SGIP1: variants seen among roughly 807,000 people sequenced by gnomAD.
The protein encoded by SGIP1 is SH3-containing GRB2-like protein 3-interacting protein 1.
SGIP1 carries 38 observed loss-of-function variants against 107.5 expected under a neutral mutation model. The ratio of observed to expected loss-of-function variants is 0.35; its 90% CI spans 0.27 to 0.46. The LOEUF (loss-of-function observed/expected upper bound fraction) is 0.46, where lower values mean the gene tolerates loss of function less well. Among genes scored for constraint, SGIP1 ranks in the 20% least tolerant of loss-of-function variants. SGIP1 has a pLI of 1.00. For missense variants in SGIP1, 929 were observed against 1,019.5 expected (o/e 0.91, Z 1.21); for synonymous variants, 365 against 366.1 (o/e 1.00, Z 0.03).
chr1:66,660,332 A>G (rs2081210812), intron 7 of SGIP1, among the ~76,000 whole-genome samples, 181 bp from the exon 8 acceptor site: 1 of 152,068 alleles, frequency 6.6e-6, no homozygotes, highest in South Asian at 2.1e-4. Context: ...TGTAGCTTGA[A>G]CTAAAGACAG....
intron 1 of SGIP1, among the ~76,000 whole-genome samples, chr1:66,598,258 C>G (rs548325038): frequency 3.9e-5 from 6 of 152,238 alleles, no homozygotes; most frequent in Non-Finnish European, 7.4e-5. Context: ...GCAATAAAAA[C>G]TAACACATCA....
At chr1:66,618,558 A>G (rs1481780179) in intron 1 of SGIP1, among the ~76,000 whole-genome samples, 1 of 152,226 alleles carries the variant, frequency 6.6e-6, no homozygotes. Flanking sequence ...CTAGCTCAAC[A>G]TCTTGGTCTT....
chr1:66,626,930 C>A (rs574126476), intron 2 of SGIP1, among the ~76,000 whole-genome samples: 44 of 152,186 alleles, frequency 2.9e-4, no homozygotes, highest in African/African-American at 1.1e-3. Flanking sequence ...GCTTTTCATT[C>A]TGTATATTTT....
chr1:66,695,947 T>A (rs2090832362), intron 18 of SGIP1, among the ~76,000 whole-genome samples: 1 of 152,172 alleles, frequency 6.6e-6, no homozygotes, highest in Non-Finnish European at 1.5e-5. Flanking sequence ...AATCTAAATA[T>A]GTAAATACAT....
At chr1:66,595,365 G>T (rs2064433526) in intron 1 of SGIP1, among the ~76,000 whole-genome samples, 1 of 152,150 alleles carries the variant, frequency 6.6e-6, no homozygotes, top group Non-Finnish European at 1.5e-5. Context: ...CACTACCAAT[G>T]GCTCATACTT....
In SGIP1 at chr1:66,750,616, T is replaced by C. The variant is rs2094610586; in HGVS notation, c.*7521T>C. 6.6e-6 allele frequency among the ~76,000 whole-genome samples: 1 copy of C among 152,228 alleles called. No homozygotes were observed. The highest frequency in any genetic ancestry group is 2.4e-5 in the African/African-American group (1 of 41,458). On this transcript the variant is annotated 3_prime_UTR_variant, in exon 25 of 25. Transcript: ENST00000371037. ...GTGAATTAAAATACTCAAGATACTT[T>C]CAAAATTTAGTCAAAATGTTGATTC...
intron 2 of SGIP1, among the ~76,000 whole-genome samples, chr1:66,627,104 A>G (rs1470809151): frequency 6.6e-6 from 1 of 152,194 alleles, no homozygotes; most frequent in African/African-American, 2.4e-5. Context: ...AATACTTAGT[A>G]AATGCTCAGC....
chr1:66,709,147 C>T (rs2092729512), intron 18 of SGIP1, among the ~76,000 whole-genome samples: 1 of 152,174 alleles, frequency 6.6e-6, no homozygotes, highest in South Asian at 2.1e-4. Context: ...CCATCATCTA[C>T]ATTAGGTATT....
chr1:66,642,333 C>T (rs984110388), intron 5 of SGIP1, among the ~76,000 whole-genome samples: 3 of 152,132 alleles, frequency 2.0e-5, no homozygotes, highest in African/African-American at 4.8e-5. Context: ...CTACTCTGCC[C>T]TCTCCTGTCT....
chr1:66,625,937 C>T lies in SGIP1; in HGVS notation c.74+27C>T, dbSNP rs748313471. ...TATGTACTTTAGGAGTTTGCCTCCT[C>T]GAAGAAGCTATTTGCATAAGAGATG... On this transcript the variant is annotated intron_variant, in intron 2 of 24. Coordinates refer to ENST00000371037, the MANE Select transcript of SGIP1 (RefSeq NM_032291.4). 35 of 1,587,862 alleles carry T rather than the reference C, an allele frequency of 2.2e-5. No individual in the cohort carries two copies. In the Admixed American group the frequency reaches 3.6e-4, roughly 16 times the overall value.
chr1:66,722,237 C>T (rs1225316680), intron 19 of SGIP1, among the ~76,000 whole-genome samples: 1 of 152,154 alleles, frequency 6.6e-6, no homozygotes, highest in Non-Finnish European at 1.5e-5. Flanking sequence ...GACTTGTCCC[C>T]TCATTCCCTT....
At chr1:66,568,628 G>T (rs1249442860) in intron 1 of SGIP1, among the ~76,000 whole-genome samples, 1 of 151,904 alleles carries the variant, frequency 6.6e-6, no homozygotes, top group African/African-American at 2.4e-5. Context: ...ATCAGCTATT[G>T]GTTTGTCATA....
chr1:66,740,235 G>C (rs1405244085), intron 22 of SGIP1, among the ~76,000 whole-genome samples: 1 of 152,092 alleles, frequency 6.6e-6, no homozygotes, highest in Non-Finnish European at 1.5e-5. Context: ...CTATTATAAA[G>C]GACTTGTTCT....
intron 18 of SGIP1, among the ~76,000 whole-genome samples, chr1:66,718,043 A>G (rs1305907604): frequency 6.6e-6 from 1 of 152,184 alleles, no homozygotes; most frequent in Admixed American, 6.6e-5. Flanking sequence ...GCCAAGTCCA[A>G]GATATTGAAA....
chr1:66,620,540 G>C (rs1252428774), intron 1 of SGIP1, among the ~76,000 whole-genome samples: 3 of 147,516 alleles, frequency 2.0e-5, no homozygotes, highest in Non-Finnish European at 2.9e-5. Context: ...AGAGAAGAGA[G>C]ACAGAGAGAC....
At chr1:66,733,284 A>G (rs991850622) in intron 20 of SGIP1, among the ~76,000 whole-genome samples, 15 of 152,340 alleles carry the variant, frequency 9.8e-5, no homozygotes, top group Admixed American at 9.1e-4. Context: ...AGTTGGTGAT[A>G]AAGACCATGT....
intron 1 of SGIP1, among the ~76,000 whole-genome samples, chr1:66,544,703 A>G (rs2055926786): frequency 6.6e-6 from 1 of 152,080 alleles, no homozygotes; most frequent in African/African-American, 2.4e-5. Flanking sequence ...ACAAACATAC[A>G]TATAAAAAAC....
At chr1:66,571,954 A>G (rs1334516452) in intron 1 of SGIP1, among the ~76,000 whole-genome samples, 2 of 152,004 alleles carry the variant, frequency 1.3e-5, no homozygotes, top group African/African-American at 4.8e-5. Context: ...CTTGGCCAGA[A>G]TTAGTCATTT....
At position 66,679,699 on chromosome 1, in the gene SGIP1, A is replaced by C. The variant is rs745351932; in HGVS notation, c.761A>C (p.Lys254Thr). 6.2e-7 allele frequency: 1 copy of C among 1,606,910 alleles called. No homozygotes were observed. The highest frequency in any genetic ancestry group is 1.1e-5 in the South Asian group (1 of 89,626). ...PTGTPPPLPP[K>T]NVPATPPRTG... ...GCAGCACCTCCACCACTGCCTCCAA[A>C]AAATGTACCAGCTACCCCACCCCGA... The change falls in exon 14 of 25, where the codon AAA (lysine) becomes ACA (threonine). Residue 254 changes from lysine (K) to threonine (T), a missense_variant. Physicochemically the swap from Lys to Thr is moderately conservative, Grantham distance 78 (BLOSUM62 -1). Coordinates refer to ENST00000371037, the MANE Select transcript of SGIP1 (RefSeq NM_032291.4).
Sources: allele counts gnomAD v4.1 joint callset (sites outside exome capture counted in the v4.1 genomes callset), GRCh38; gene constraint gnomAD v4.1.1; transcripts MANE v1.5; gene names NCBI Gene and HGNC (gene_info 2026-07-23, HGNC 2026-07-21).